PTPRT: variants seen among roughly 807,000 people sequenced by gnomAD.
PTPRT encodes the protein protein tyrosine phosphatase receptor type T, also known as receptor-type tyrosine-protein phosphatase T.
Under a neutral mutation model 176.8 loss-of-function variants are expected in PTPRT, and 56 were observed. The ratio of observed to expected loss-of-function variants is 0.32; its 90% CI spans 0.26 to 0.40. The LOEUF (loss-of-function observed/expected upper bound fraction) is 0.40. Ranked by LOEUF, PTPRT falls within the 10% of genes least tolerant of loss-of-function variation. The pLI is 1.00. For missense variants in PTPRT, 1,540 were observed against 1,908.2 expected, an observed-to-expected ratio of 0.81 and a Z score of 3.60; for synonymous variants, 783 against 739.0, an observed-to-expected ratio of 1.06 and a Z score of -0.96.
At chr20:42,554,633 A>T (rs1235781596) in intron 7 of PTPRT, among the ~76,000 whole-genome samples, 2 of 152,168 alleles carry the variant, frequency 1.3e-5, no homozygotes, top group Non-Finnish European at 2.9e-5. Flanking sequence ...AAGTGAAATT[A>T]TGGAACCACT....
At chr20:42,104,807 G>A in intron 24 of PTPRT, 89 bp from the exon 25 acceptor site, 1 of 1,334,468 alleles carries the variant, frequency 7.5e-7, no homozygotes, top group Non-Finnish European at 1.0e-6. Flanking sequence ...TGGCTATGAA[G>A]AATAGACATG....
intron 7 of PTPRT, 92 bp downstream of exon 7, chr20:42,677,774 G>A (rs1479520726): frequency 9.3e-6 from 13 of 1,398,442 alleles, no homozygotes; most frequent in East Asian, 6.9e-5. Context: ...AAGAAAATTC[G>A]GAATTATCTG....
At chr20:43,085,370 T>C (rs1188538974) in intron 1 of PTPRT, among the ~76,000 whole-genome samples, 1 of 152,294 alleles carries the variant, frequency 6.6e-6, no homozygotes, top group Non-Finnish European at 1.5e-5. Context: ...CACAAAAAAC[T>C]GTTTATATGC....
At position 42,432,632 on chromosome 20, in the gene PTPRT, A is replaced by C. The variant is rs113322717; in HGVS notation, c.1560+15588T>G. Among the ~76,000 whole-genome samples, 717 of 152,314 alleles carry C rather than the reference A, an allele frequency of 4.7e-3. 5 individuals are homozygous for C. Among genetic ancestry groups the C allele is most frequent in the African/African-American group, 0.016 (657 of 41,572 alleles). On this transcript the variant is annotated intron_variant, in intron 9 of 30. Transcript: ENST00000373187. Reference sequence around the variant, plus strand: ...TATGAACAAGGCCTAAAGTCATGCAAAGCAAGGGTTAAGTCACAGCTGCAG... The same window carrying C: ...TATGAACAAGGCCTAAAGTCATGCACAGCAAGGGTTAAGTCACAGCTGCAG...
intron 7 of PTPRT, among the ~76,000 whole-genome samples, chr20:42,642,651 T>C (rs2145936045): frequency 6.6e-6 from 1 of 152,266 alleles, no homozygotes; most frequent in Middle Eastern, 3.4e-3. Flanking sequence ...GAGTGGTAAC[T>C]AGTATTACAC....
chr20:43,016,180 C>T (rs1453260613), intron 1 of PTPRT, among the ~76,000 whole-genome samples: 1 of 152,178 alleles, frequency 6.6e-6, no homozygotes, highest in Non-Finnish European at 1.5e-5. Context: ...GGAGCAAGGT[C>T]CCCACTGGGA....
chr20:43,027,145 C>CA (rs1337233317), intron 1 of PTPRT, among the ~76,000 whole-genome samples: 1 of 152,128 alleles, frequency 6.6e-6, no homozygotes, highest in Non-Finnish European at 1.5e-5. Context: ...AAGGAACCTC[C>CA]AAGCTGTTGC....
chr20:42,064,258 T>A, the PTPRT span, among the ~76,000 whole-genome samples: 16 of 152,290 alleles, frequency 1.1e-4, no homozygotes, highest in African/African-American at 3.8e-4. Flanking sequence ...ACTTTAAAAT[T>A]GTTTTTTCCA....
At chr20:43,074,105 G>A (rs2011220853) in intron 1 of PTPRT, among the ~76,000 whole-genome samples, 1 of 152,066 alleles carries the variant, frequency 6.6e-6, no homozygotes, top group Admixed American at 6.6e-5. Flanking sequence ...TTAAATAAAT[G>A]TTATGGGCCG....
Position 42,884,154 on chromosome 20 carries a change from T to C in PTPRT, c.214+1653A>G, listed in dbSNP as rs149013292. ...CAGGCAGTACTTTTTAAAGTCAGCA[T>C]GATTGGGCAACAGACAGAGGTTGTT... On this transcript the variant is annotated intron_variant, in intron 2 of 30. Coordinates refer to ENST00000373187, the MANE Select transcript of PTPRT (RefSeq NM_007050.6). 1.7e-3 allele frequency among the ~76,000 whole-genome samples: 254 copies of C among 152,186 alleles called. 2 individuals carry two copies. The highest frequency in any genetic ancestry group is 5.8e-3 in the African/African-American group (241 of 41,498).
intron 5 of PTPRT, among the ~76,000 whole-genome samples, chr20:42,759,331 T>C (rs1473351861): frequency 6.6e-6 from 1 of 152,226 alleles, no homozygotes; most frequent in Non-Finnish European, 1.5e-5. Flanking sequence ...TTATTCCCCA[T>C]GAAAAATAAG....
At chr20:42,656,666 A>T (rs1252487388) in intron 7 of PTPRT, among the ~76,000 whole-genome samples, 1 of 152,206 alleles carries the variant, frequency 6.6e-6, no homozygotes, top group African/African-American at 2.4e-5. Flanking sequence ...AATTTATTCC[A>T]GGAAAAAATA....
chr20:42,948,011 G>T (rs761824939), intron 1 of PTPRT, among the ~76,000 whole-genome samples: 1 of 152,172 alleles, frequency 6.6e-6, no homozygotes, highest in Non-Finnish European at 1.5e-5. Context: ...ATGAATGAAT[G>T]AGTGAACCCC....
chr20:42,312,637 T>C (rs1164767334), intron 12 of PTPRT, among the ~76,000 whole-genome samples: 1 of 152,146 alleles, frequency 6.6e-6, no homozygotes, highest in African/African-American at 2.4e-5. Flanking sequence ...TAAGCACTCA[T>C]CCAATTCCAT....
intron 7 of PTPRT, among the ~76,000 whole-genome samples, chr20:42,654,623 A>C (rs2075091628): frequency 6.6e-6 from 1 of 152,088 alleles, no homozygotes; most frequent in African/African-American, 2.4e-5. Flanking sequence ...CTGGATAACT[A>C]TTTTTCCTGT....
rs141350070 is a variant in PTPRT at position 42,734,687 on chromosome 20, G to A, written c.859+21775C>T. ...CAAACAACCCCGAATCTTGATGTAC[G>A]CAGATACTTGTTTCTTGTTCTCAGT... On this transcript the variant is annotated intron_variant, in intron 6 of 30. Transcript: ENST00000373187. Among the ~76,000 whole-genome samples the A allele has an allele frequency of 7.0e-4, 107 of 152,246 alleles. 1 individual carries two copies. The highest frequency in any genetic ancestry group is 2.4e-3 in the African/African-American group (98 of 41,540).
intron 1 of PTPRT, among the ~76,000 whole-genome samples, chr20:42,919,217 G>A (rs759372307): frequency 6.6e-6 from 1 of 152,192 alleles, no homozygotes; most frequent in Non-Finnish European, 1.5e-5. Context: ...TCGGGCAGCT[G>A]GGAATTTTAA....
At chr20:43,071,969 A>G (rs2011186849) in intron 1 of PTPRT, among the ~76,000 whole-genome samples, 1 of 152,250 alleles carries the variant, frequency 6.6e-6, no homozygotes, top group East Asian at 1.9e-4. Flanking sequence ...TATCTCAGGC[A>G]TACTGCCTGG....
At chr20:43,047,713 G>A (rs971789508) in intron 1 of PTPRT, among the ~76,000 whole-genome samples, 6 of 152,054 alleles carry the variant, frequency 3.9e-5, no homozygotes, top group South Asian at 2.1e-4. Flanking sequence ...TGATGACACC[G>A]ATGACAATGA....
Sources: gnomAD v4.1 joint callset for allele counts (sites outside exome capture counted in the v4.1 genomes callset) on GRCh38, gnomAD v4.1.1 for gene constraint, MANE v1.5 for transcripts, NCBI Gene and HGNC (gene_info 2026-07-23, HGNC 2026-07-21) for gene names.